Variants in MARCHF11 observed in about 807,000 individuals in gnomAD.
MARCHF11 encodes E3 ubiquitin-protein ligase MARCHF11.
MARCHF11 carries 29 observed loss-of-function variants against 37.3 expected under a neutral mutation model. That is an observed-to-expected ratio of 0.78 (90% CI 0.58 to 1.06). MARCHF11 has a LOEUF of 1.06. MARCHF11 is among the 50% of genes least tolerant of loss of function. MARCHF11 has a pLI of 0.00. For missense variants in MARCHF11, 482 were observed against 533.4 expected, an observed-to-expected ratio of 0.90 and a Z score of 0.95; for synonymous variants, 233 against 228.0, an observed-to-expected ratio of 1.02 and a Z score of -0.20.
In MARCHF11 at chr5:16,067,682, C is replaced by T. The variant is rs1736372588; in HGVS notation, c.998G>A (p.Ser333Asn). Reference protein sequence around the residue: ...NYDKATDIEESSRGESSTSRT... With the variant: ...NYDKATDIEENSRGESSTSRT... ...ACTTGTGGAAGACTCTCCCCGGCTG[C>T]TTTCTTCGATGTCTGTGGCTTTGTC... The change falls in exon 4 of 4, where the codon AGC becomes AAC. Residue 333 changes from serine (S) to asparagine (N), a missense_variant. Ser to Asn is a conservative substitution (Grantham distance 46). Transcript: ENST00000332432. 2 of 1,613,844 alleles carry T rather than the reference C, an allele frequency of 1.2e-6. No individual in the cohort carries two copies. The highest frequency in any genetic ancestry group is 2.7e-5 in the African/African-American group (2 of 74,928).
At chr5:16,114,385 C>T (rs545008834) in intron 2 of MARCHF11, among the ~76,000 whole-genome samples, 4 of 152,138 alleles carry the variant, frequency 2.6e-5, no homozygotes, top group African/African-American at 4.8e-5. Context: ...ATGAAAACTG[C>T]GATTACAAAA....
intron 2 of MARCHF11, among the ~76,000 whole-genome samples, chr5:16,128,467 A>G (rs1419535784): frequency 2.0e-5 from 3 of 152,314 alleles, no homozygotes; most frequent in Non-Finnish European, 4.4e-5. Flanking sequence ...AGGTATGCCC[A>G]AAGCCACTGA....
rs143374919 is a variant in MARCHF11, at chr5:16,108,623, C to T, written c.694-17542G>A. Among the ~76,000 whole-genome samples, 955 of 152,126 alleles carry T rather than the reference C, an allele frequency of 6.3e-3. 7 individuals carry two copies. The highest frequency in any genetic ancestry group is 0.017 in the South Asian group (81 of 4,808). On this transcript the variant is annotated intron_variant, in intron 2 of 3. Coordinates refer to ENST00000332432, the MANE Select transcript of MARCHF11 (RefSeq NM_001102562.3). The stretch of plus-strand genomic sequence containing the variant: ...AGGACCAGATATGTTTGCTTCCAGA[C>T]GCCCCAGCTGGCCTGGGGCAGGGGA...
intron 2 of MARCHF11, among the ~76,000 whole-genome samples, chr5:16,108,193 T>A (rs1461797179): frequency 1.3e-5 from 2 of 152,048 alleles, no homozygotes; most frequent in Non-Finnish European, 2.9e-5. Context: ...CCCCTAGACA[T>A]AATCAGAGCT....
chr5:16,144,179 AC>A (rs1324918026), intron 2 of MARCHF11, among the ~76,000 whole-genome samples: 1 of 152,240 alleles, frequency 6.6e-6, no homozygotes, highest in Non-Finnish European at 1.5e-5. Flanking sequence ...AGCACTTTAT[AC>A]ACAGAAACAC....
At position 16,179,261 on chromosome 5, in the gene MARCHF11, A is replaced by C; in HGVS notation, c.315T>G (p.Gly105=). The change falls in exon 1 of 4, where the codon GGT becomes GGG. Residue 105 remains glycine, a synonymous_variant. Coordinates refer to ENST00000332432, the MANE Select transcript of MARCHF11 (RefSeq NM_001102562.3). The part of the protein sequence containing the change: ...EVAAAGDSGE[G]PRRLPEAAAA... ...CTGCCGCCTCCGGGAGGCGCCTCGG[A>C]CCTTCCCCGGAGTCGCCGGCCGCCG... 4 of 1,330,876 alleles carry C rather than the reference A, an allele frequency of 3.0e-6. No individual in the cohort carries two copies. Among genetic ancestry groups the C allele is most frequent in the Non-Finnish European group, 2.9e-6 (3 of 1,039,244 alleles). 82.4% of individuals were successfully genotyped at this position (1,330,876 alleles called of 1,614,324 possible).
intron 2 of MARCHF11, among the ~76,000 whole-genome samples, chr5:16,146,360 T>G (rs1186357567): frequency 6.6e-6 from 1 of 152,208 alleles, no homozygotes; most frequent in East Asian, 1.9e-4. Flanking sequence ...CAAAACAAGG[T>G]GCAGTTAAGC....
chr5:16,095,505 G>A (rs1736854595), intron 2 of MARCHF11, among the ~76,000 whole-genome samples: 1 of 148,348 alleles, frequency 6.7e-6, no homozygotes, highest in Non-Finnish European at 1.5e-5. Context: ...AGGGAGGGAG[G>A]GAGATCCCTC....
intron 2 of MARCHF11, among the ~76,000 whole-genome samples, chr5:16,169,745 C>G (rs1738227936): frequency 6.6e-6 from 1 of 152,100 alleles, no homozygotes; most frequent in Non-Finnish European, 1.5e-5. Flanking sequence ...TGCAGTTTTT[C>G]TTGGCCAACT....
intron 2 of MARCHF11, among the ~76,000 whole-genome samples, chr5:16,115,281 G>T (rs1737210973): frequency 6.6e-6 from 1 of 152,182 alleles, no homozygotes; most frequent in African/African-American, 2.4e-5. Flanking sequence ...CATAACCCTT[G>T]CCCTAGATAT....
At chr5:16,090,736 GCAGCC>G (rs1351350918) in intron 3 of MARCHF11, among the ~76,000 whole-genome samples, 148 bp downstream of exon 3, 2 of 151,478 alleles carry the variant, frequency 1.3e-5, no homozygotes, top group Non-Finnish European at 2.9e-5. Context: ...TCTTAGAAAA[GCAGCC>G]CAATTGTGAC....
At chr5:16,145,712 T>C (rs1737785395) in intron 2 of MARCHF11, among the ~76,000 whole-genome samples, 2 of 151,620 alleles carry the variant, frequency 1.3e-5, no homozygotes, top group African/African-American at 4.8e-5. Context: ...ACAATGTCCC[T>C]TTTTTCTCAT....
At chr5:16,120,887 C>T (rs12656071) in intron 2 of MARCHF11, among the ~76,000 whole-genome samples, 28,449 of 152,094 alleles carry the variant, frequency 0.19, 2,827 homozygotes, top group East Asian at 0.3. Flanking sequence ...GAGATATGCA[C>T]GAGCCCAGTC....
chr5:16,177,240 C>G (rs2126613418), intron 2 of MARCHF11, among the ~76,000 whole-genome samples: 1 of 152,258 alleles, frequency 6.6e-6, no homozygotes, highest in South Asian at 2.1e-4. Context: ...ATAAAGAAAG[C>G]CTGGTTAAGT....
intron 2 of MARCHF11, among the ~76,000 whole-genome samples, chr5:16,105,323 T>G (rs886985212): frequency 6.6e-6 from 1 of 152,234 alleles, no homozygotes; most frequent in Non-Finnish European, 1.5e-5. Flanking sequence ...CTAGGATACC[T>G]TCTCATATTT....
At position 16,153,778 on chromosome 5, in the gene MARCHF11, T is replaced by C. The variant is rs184275567; in HGVS notation, c.693+23948A>G. Among the ~76,000 whole-genome samples the C allele has an allele frequency of 1.2e-3, 180 of 152,082 alleles. 2 individuals are homozygous for C. Among genetic ancestry groups the C allele is most frequent in the Non-Finnish European group, 1.0e-3 (69 of 67,916 alleles). ...TAGAATAAATATGACATTTTCTAGC[T>C]TGCCTTACAGTTTGATGTGATCATA... On this transcript the variant is annotated intron_variant, in intron 2 of 3. Coordinates refer to ENST00000332432, the MANE Select transcript of MARCHF11 (RefSeq NM_001102562.3).
chr5:16,126,925 G>A (rs1737418952), intron 2 of MARCHF11, among the ~76,000 whole-genome samples: 1 of 152,048 alleles, frequency 6.6e-6, no homozygotes, highest in Non-Finnish European at 1.5e-5. Flanking sequence ...TTAAAAATTG[G>A]GGGAATATTT....
At chr5:16,151,372 C>A (rs900233649) in intron 2 of MARCHF11, among the ~76,000 whole-genome samples, 1 of 151,936 alleles carries the variant, frequency 6.6e-6, no homozygotes, top group African/African-American at 2.4e-5. Flanking sequence ...CAATTACATC[C>A]TTAGCATGAG....
At chr5:16,164,150 C>T (rs1340517476) in intron 2 of MARCHF11, among the ~76,000 whole-genome samples, 2 of 152,022 alleles carry the variant, frequency 1.3e-5, no homozygotes, top group African/African-American at 4.8e-5. Flanking sequence ...CACAAACAAA[C>T]TATGACATAG....
Sources: allele counts gnomAD v4.1 joint callset (sites outside exome capture counted in the v4.1 genomes callset), GRCh38; gene constraint gnomAD v4.1.1; transcripts MANE v1.5; gene names NCBI Gene and HGNC (gene_info 2026-07-23, HGNC 2026-07-21).